Variants in GPC5 observed in about 807,000 individuals in gnomAD.
GPC5 encodes glypican 5, also known as glypican-5.
In GPC5, 47 loss-of-function variants were observed where a neutral mutation model predicts 53.9. The ratio of observed to expected loss-of-function variants is 0.87; its 90% CI spans 0.69 to 1.11. GPC5 has a LOEUF of 1.11. Ranked by LOEUF, GPC5 falls within the 50% of genes most tolerant of loss-of-function variation. GPC5 has a pLI of 0.00. For missense variants in GPC5, 748 were observed against 713.1 expected (o/e 1.05, Z -0.56); for synonymous variants, 286 against 263.3 (o/e 1.09, Z -0.84).
At chr13:92,036,518 T>C (rs117394147) in intron 6 of GPC5, among the ~76,000 whole-genome samples, 7 of 152,368 alleles carry the variant, frequency 4.6e-5, no homozygotes, top group Non-Finnish European at 8.8e-5. Context: ...GATTTCAAGC[T>C]GTTTGAATCA....
At chr13:92,827,616 G>A (rs1020846641) in intron 7 of GPC5, among the ~76,000 whole-genome samples, 15 of 152,142 alleles carry the variant, frequency 9.9e-5, no homozygotes, top group African/African-American at 3.6e-4. Context: ...TGCTTTGCAT[G>A]TACACGCATG....
chr13:92,172,762 C>G (rs745797376), intron 7 of GPC5, among the ~76,000 whole-genome samples: 4 of 152,028 alleles, frequency 2.6e-5, no homozygotes, highest in Non-Finnish European at 4.4e-5. Context: ...CTCACTGCTA[C>G]TTTATTTCCA....
chr13:92,523,379 T>C (rs1358162144), intron 7 of GPC5, among the ~76,000 whole-genome samples: 1 of 152,136 alleles, frequency 6.6e-6, no homozygotes, highest in African/African-American at 2.4e-5. Flanking sequence ...TATCCTTTTA[T>C]AGCAAAAATG....
At chr13:92,212,058 G>A (rs964938616) in intron 7 of GPC5, among the ~76,000 whole-genome samples, 5 of 150,974 alleles carry the variant, frequency 3.3e-5, no homozygotes, top group African/African-American at 9.8e-5. Flanking sequence ...TGTTCCGCAG[G>A]TGGTAAGTGC....
intron 2 of GPC5, among the ~76,000 whole-genome samples, chr13:91,461,827 C>G (rs1050103115): frequency 6.6e-6 from 1 of 151,976 alleles, no homozygotes; most frequent in African/African-American, 2.4e-5. Flanking sequence ...TGTTGGTGGT[C>G]CAAACTCCTA....
chr13:92,663,917 CA>C (rs1491218515), intron 7 of GPC5, among the ~76,000 whole-genome samples: 2 of 123,330 alleles, frequency 1.6e-5, no homozygotes, highest in African/African-American at 3.2e-5. Flanking sequence ...CACACACACA[CA>C]AAAATTAGCT....
chr13:91,757,419 T>C (rs1278189841), intron 5 of GPC5, among the ~76,000 whole-genome samples: 1 of 152,110 alleles, frequency 6.6e-6, no homozygotes, highest in African/African-American at 2.4e-5. Flanking sequence ...TTTGGCTGTG[T>C]CCCCACCCAA....
intron 6 of GPC5, among the ~76,000 whole-genome samples, chr13:92,122,715 C>T (rs2041660283): frequency 7.5e-6 from 1 of 133,598 alleles, no homozygotes; most frequent in African/African-American, 2.8e-5. Flanking sequence ...TAGTGGCAGA[C>T]TTTCCTCCTG....
chr13:92,864,308 C>A (rs891983304), intron 7 of GPC5, among the ~76,000 whole-genome samples: 1 of 152,162 alleles, frequency 6.6e-6, no homozygotes, highest in Non-Finnish European at 1.5e-5. Flanking sequence ...AAAATAGCAT[C>A]TGATTGAAGG....
At chr13:92,126,934 GAC>G (rs987755878) in intron 6 of GPC5, among the ~76,000 whole-genome samples, 33 of 152,174 alleles carry the variant, frequency 2.2e-4, no homozygotes, top group African/African-American at 6.7e-4. Flanking sequence ...GCTCTGAATT[GAC>G]AGTTTCCTCC....
chr13:91,892,793 G>A (rs950964069), intron 5 of GPC5, among the ~76,000 whole-genome samples: 2 of 151,874 alleles, frequency 1.3e-5, no homozygotes, highest in Admixed American at 6.6e-5. Flanking sequence ...AAGTGACCCT[G>A]ACATTTAGTG....
At chr13:91,762,640 T>G (rs536180990) in intron 5 of GPC5, among the ~76,000 whole-genome samples, 9 of 152,050 alleles carry the variant, frequency 5.9e-5, no homozygotes, top group Non-Finnish European at 1.3e-4. Context: ...TCTCATATCC[T>G]TTGTCTATAC....
At chr13:92,061,427 C>T (rs970752980) in intron 6 of GPC5, among the ~76,000 whole-genome samples, 1 of 151,830 alleles carries the variant, frequency 6.6e-6, no homozygotes, top group African/African-American at 2.4e-5. Flanking sequence ...TTGCAAAGCA[C>T]GTGAAAATGC....
In GPC5 at chr13:92,780,480, G is replaced by A. The variant is rs190337193; in HGVS notation, c.1562-85802G>A. On this transcript the variant is annotated intron_variant, in intron 7 of 7. Coordinates refer to ENST00000377067, the MANE Select transcript of GPC5 (RefSeq NM_004466.6). The stretch of plus-strand genomic sequence containing the variant: ...TCTCATTAAAGTTCTCTCCCCAAGT[G>A]ATAATTTCTAGTTTACTTTCTGAGA... Among the ~76,000 whole-genome samples, 1,021 of 151,966 alleles carry A rather than the reference G, an allele frequency of 6.7e-3. 15 individuals are homozygous for A. The highest frequency in any genetic ancestry group is 0.023 in the African/African-American group (970 of 41,484).
At chr13:92,100,619 G>A (rs1467077739) in intron 6 of GPC5, among the ~76,000 whole-genome samples, 6 of 152,032 alleles carry the variant, frequency 3.9e-5, no homozygotes, top group Admixed American at 2.0e-4. Context: ...ATATTCTCAT[G>A]TCCTGGGTGA....
At chr13:92,271,421 T>C (rs1173044296) in intron 7 of GPC5, among the ~76,000 whole-genome samples, 2 of 152,214 alleles carry the variant, frequency 1.3e-5, no homozygotes, top group Non-Finnish European at 2.9e-5. Flanking sequence ...TTAATGCCCT[T>C]GGGACATGTT....
chr13:92,751,549 G>A (rs890791949), intron 7 of GPC5, among the ~76,000 whole-genome samples: 19 of 144,656 alleles, frequency 1.3e-4, no homozygotes, highest in Middle Eastern at 3.6e-3. Flanking sequence ...ATGAGTCTTG[G>A]TCCTTCTAAA....
Position 92,866,832 on chromosome 13 carries a change from T to C in GPC5, c.*393T>C, listed in dbSNP as rs1040882389. The C allele has an allele frequency of 1.4e-4, 21 of 154,564 alleles. No homozygotes were observed. Among genetic ancestry groups the C allele is most frequent in the Admixed American group, 5.2e-4 (8 of 15,354 alleles). The allele number at this position is 154,564 out of a possible 1,614,324, so 9.6% of individuals were successfully genotyped here. A position where few individuals can be genotyped will look rare whatever the true frequency, so the allele number is the denominator to read the frequency against. ...TATTTGCCAGACAATGAAAACAGTATGCAGTATTTCTTAAAGTATTGAAAT... is the reference window on the plus strand; with the variant it reads ...TATTTGCCAGACAATGAAAACAGTACGCAGTATTTCTTAAAGTATTGAAAT... On this transcript the variant is annotated 3_prime_UTR_variant, in exon 8 of 8. Coordinates refer to ENST00000377067, the MANE Select transcript of GPC5 (RefSeq NM_004466.6).
intron 7 of GPC5, among the ~76,000 whole-genome samples, chr13:92,522,794 AT>A (rs1282421204): frequency 3.3e-5 from 5 of 152,114 alleles, no homozygotes; most frequent in African/African-American, 4.8e-5. Context: ...TAAAAAGAAA[AT>A]AGATGTTTCT....
Sources: gnomAD v4.1 joint callset for allele counts (sites outside exome capture counted in the v4.1 genomes callset) on GRCh38, gnomAD v4.1.1 for gene constraint, MANE v1.5 for transcripts, NCBI Gene and HGNC (gene_info 2026-07-23, HGNC 2026-07-21) for gene names.